SPPL2A: variants seen among roughly 807,000 people sequenced by gnomAD.
SPPL2A encodes signal peptide peptidase like 2A.
Under a neutral mutation model 63.8 loss-of-function variants are expected in SPPL2A, and 51 were observed. The observed-to-expected ratio is 0.80, with a 90% CI of 0.64 to 1.01. SPPL2A has a LOEUF of 1.01. Among genes scored for constraint, SPPL2A ranks in the 50% least tolerant of loss-of-function variants. The probability of loss-of-function intolerance (pLI) is 0.00; values close to 1 mark genes in which losing one functional copy is unlikely to be tolerated. For synonymous variants in SPPL2A, 188 were observed against 205.8 expected, an observed-to-expected ratio of 0.91 and a Z score of 0.74; for missense variants, 553 against 622.7, an observed-to-expected ratio of 0.89 and a Z score of 1.19.
chr15:50,732,610 T>A lies in SPPL2A; in HGVS notation c.1007A>T (p.Asn336Ile), dbSNP rs2062739709. 1 of 1,593,404 alleles carries A rather than the reference T, an allele frequency of 6.3e-7. No individual in the cohort carries two copies. The highest frequency in any genetic ancestry group is 8.6e-7 in the Non-Finnish European group (1 of 1,162,636). Reference protein sequence around the residue: ...LNLIKTLKLPNFKSCVILLGL... With the variant: ...LNLIKTLKLPIFKSCVILLGL... ...TAGTATTGTATACATTACCTTGAAG[T>A]TGGGCAACTTCAGTGTTTTAATTAA... is the stretch of plus-strand genomic sequence containing the variant. Residue 336 changes from asparagine (N) to isoleucine (I), a missense_variant, in exon 9 of 15, where the codon AAC (asparagine) becomes ATC (isoleucine). By Grantham distance (149) the Asn-to-Ile change is moderately radical (BLOSUM62 -3). Transcript: ENST00000261854.
At chr15:50,732,806 T>A (rs79625720) in intron 8 of SPPL2A, 122 bp from the exon 9 acceptor site, 5 of 617,362 alleles carry the variant, frequency 8.1e-6, no homozygotes, top group South Asian at 4.3e-5. Flanking sequence ...TTTTTTTTTT[T>A]AAGACAGATT....
At chr15:50,732,426 G>A (rs1019945964) in intron 9 of SPPL2A, among the ~76,000 whole-genome samples, 177 bp downstream of exon 9, 2 of 152,134 alleles carry the variant, frequency 1.3e-5, no homozygotes, top group East Asian at 3.8e-4. Flanking sequence ...GCTTTTGGAA[G>A]AGATGAGAAA....
chr15:50,725,852 G>T (rs1435703788), intron 11 of SPPL2A: 8 of 233,784 alleles, frequency 3.4e-5, no homozygotes, highest in Non-Finnish European at 6.9e-5. Context: ...TGAAAAAAAT[G>T]CTCAACACAC....
chr15:50,712,679 C>CCTT (rs35199045), intron 14 of SPPL2A, among the ~76,000 whole-genome samples: 46 of 102,932 alleles, frequency 4.5e-4, no homozygotes, highest in Non-Finnish European at 5.3e-4. Context: ...CTCCCCCCCC[C>CCTT]TTTTTTTTTT....
intron 14 of SPPL2A, among the ~76,000 whole-genome samples, chr15:50,719,722 G>T (rs76487336): frequency 1.1e-4 from 16 of 147,998 alleles, no homozygotes; most frequent in African/African-American, 3.5e-4. Flanking sequence ...GTCCTCTGCT[G>T]TTTTTTTTTT....
intron 1 of SPPL2A, among the ~76,000 whole-genome samples, chr15:50,752,505 G>A (rs964839420): frequency 1.3e-5 from 2 of 152,064 alleles, no homozygotes; most frequent in East Asian, 1.9e-4. Context: ...ACCACCTGAG[G>A]TCAGGAGTTT....
intron 14 of SPPL2A, among the ~76,000 whole-genome samples, chr15:50,712,208 C>G (rs965560344): frequency 2.6e-5 from 4 of 152,180 alleles, no homozygotes; most frequent in Non-Finnish European, 4.4e-5. Context: ...AATACCTGCA[C>G]TGCAGGGCAG....
chr15:50,715,949 G>A (rs1212420522), intron 14 of SPPL2A, among the ~76,000 whole-genome samples: 2 of 151,784 alleles, frequency 1.3e-5, no homozygotes, highest in Non-Finnish European at 2.9e-5. Flanking sequence ...TGCATATAAG[G>A]AAATATTATA....
In SPPL2A at chr15:50,765,452, C is replaced by T. The variant is rs1285029442; in HGVS notation, c.66+16G>A. 2.0e-6 allele frequency: 3 copies of T among 1,500,382 alleles called. No homozygotes were observed. The highest frequency in any genetic ancestry group is 1.2e-5 in the South Asian group (1 of 80,792). 92.9% of individuals were successfully genotyped at this position (1,500,382 alleles called of 1,614,324 possible). On this transcript the variant is annotated intron_variant, in intron 1 of 14. Coordinates refer to ENST00000261854, the MANE Select transcript of SPPL2A (RefSeq NM_032802.4). ...CCCAGCCCCTGGGAGGCCTGCGCGC[C>T]TTCCCGCCCCCTTACCAGCTGGAGC...
intron 14 of SPPL2A, among the ~76,000 whole-genome samples, chr15:50,711,322 C>A (rs1427295114): frequency 1.3e-5 from 2 of 151,580 alleles, no homozygotes; most frequent in East Asian, 3.9e-4. Context: ...CAATTCTCCC[C>A]CCTCAGCCTC....
In SPPL2A at chr15:50,706,469, T is replaced by C. The variant is rs2062510621; in HGVS notation, c.*1331A>G. The C allele has an allele frequency of 6.6e-6, 1 of 151,590 alleles. No individual in the cohort carries two copies. The highest frequency in any genetic ancestry group is 1.5e-5 in the Non-Finnish European group (1 of 67,934). 9.4% of individuals were successfully genotyped at this position (151,590 alleles called of 1,614,324 possible). A position where few individuals can be genotyped will look rare whatever the true frequency, so the allele number is the denominator to read the frequency against. ...CAAATTACTCAACTCTTCCTTGTAT[T>C]GTAATTAAACTGAGACTAACACCAA... On this transcript the variant is annotated 3_prime_UTR_variant, in exon 15 of 15. Coordinates refer to ENST00000261854, the MANE Select transcript of SPPL2A (RefSeq NM_032802.4).
In SPPL2A at chr15:50,738,400, T is replaced by C. The variant is rs115970700; in HGVS notation, c.733+1280A>G. Among the ~76,000 whole-genome samples, 658 of 151,886 alleles carry C rather than the reference T, an allele frequency of 4.3e-3. 4 individuals carry two copies. Among genetic ancestry groups the C allele is most frequent in the African/African-American group, 0.015 (636 of 41,402 alleles). On this transcript the variant is annotated intron_variant, in intron 6 of 14. Coordinates refer to ENST00000261854, the MANE Select transcript of SPPL2A (RefSeq NM_032802.4). The stretch of plus-strand genomic sequence containing the variant: ...CCCGTCTGTACTAACAATACAAAAA[T>C]TAGTCGGGCACAGTGGCGCACACCT...
intron 14 of SPPL2A, among the ~76,000 whole-genome samples, chr15:50,714,584 T>C (rs976802209): frequency 6.9e-6 from 1 of 144,556 alleles, no homozygotes; most frequent in East Asian, 2.1e-4. Flanking sequence ...TGAGCAAAGA[T>C]AGTATCATCG....
At position 50,748,103 on chromosome 15, in the gene SPPL2A, G is replaced by C. The variant is rs554259340; in HGVS notation, c.450+10C>G. ...TATAAACTTTATCTAATATGTAATTGCTAATTTACCTGGTTCATATCTCTA... is the reference window on the plus strand; with the variant it reads ...TATAAACTTTATCTAATATGTAATTCCTAATTTACCTGGTTCATATCTCTA... On this transcript the variant is annotated intron_variant, in intron 4 of 14. Coordinates refer to ENST00000261854, the MANE Select transcript of SPPL2A (RefSeq NM_032802.4). 3.5e-6 allele frequency: 4 copies of C among 1,141,946 alleles called. No individual in the cohort carries two copies. The South Asian group carries it at 5.4e-5, about 15-fold the overall frequency. 70.7% of individuals were successfully genotyped at this position (1,141,946 alleles called of 1,614,324 possible).
chr15:50,739,170 CTTTTT>C (rs71127136), intron 6 of SPPL2A, among the ~76,000 whole-genome samples: 3 of 106,936 alleles, frequency 2.8e-5, no homozygotes. Flanking sequence ...ACATAACGTA[CTTTTT>C]TTTTTTTTTT....
At chr15:50,715,928 A>G (rs2062595945) in intron 14 of SPPL2A, among the ~76,000 whole-genome samples, 1 of 152,150 alleles carries the variant, frequency 6.6e-6, no homozygotes, top group Non-Finnish European at 1.5e-5. Context: ...TAAATAACAA[A>G]GTATGATATA....
intron 10 of SPPL2A, among the ~76,000 whole-genome samples, chr15:50,730,719 A>G (rs1458790830): frequency 6.6e-6 from 1 of 152,228 alleles, no homozygotes; most frequent in African/African-American, 2.4e-5. Context: ...CTCATAAGAA[A>G]AAATACTTTA....
intron 1 of SPPL2A, among the ~76,000 whole-genome samples, chr15:50,758,537 C>T (rs2062980847): frequency 6.6e-6 from 1 of 151,496 alleles, no homozygotes; most frequent in Non-Finnish European, 1.5e-5. Context: ...ACCATGTTGG[C>T]CAGGATGGTC....
Position 50,736,768 on chromosome 15 carries a change from T to C in SPPL2A, c.734-28A>G, listed in dbSNP as rs1210818082. 3.6e-6 allele frequency: 4 copies of C among 1,122,054 alleles called. 1 individual carries two copies. The highest frequency in any genetic ancestry group is 5.4e-6 in the Non-Finnish European group (4 of 735,698). The allele number at this position is 1,122,054 out of a possible 1,614,324, so 69.5% of individuals were successfully genotyped here. A position where few individuals can be genotyped will look rare whatever the true frequency, so the allele number is the denominator to read the frequency against. On this transcript the variant is annotated intron_variant, in intron 6 of 14. Coordinates refer to ENST00000261854, the MANE Select transcript of SPPL2A (RefSeq NM_032802.4). ...GAAAAAAACAAAACACTAAATTACA[T>C]GAGAACAGAAGGAAAGGTGATAAGA... is the stretch of plus-strand genomic sequence containing the variant.
Sources: gnomAD v4.1 joint callset for allele counts (sites outside exome capture counted in the v4.1 genomes callset) on GRCh38, gnomAD v4.1.1 for gene constraint, MANE v1.5 for transcripts, NCBI Gene and HGNC (gene_info 2026-07-23, HGNC 2026-07-21) for gene names.